PIGN: variants seen among roughly 807,000 people sequenced by gnomAD.
The protein encoded by PIGN is GPI ethanolamine phosphate transferase 1.
PIGN carries 117 observed loss-of-function variants against 125.4 expected under a neutral mutation model. That is an observed-to-expected ratio of 0.93 (90% CI 0.80 to 1.09). The LOEUF is 1.09. PIGN is among the 50% of genes least tolerant of loss of function. The pLI is 0.00. For missense variants in PIGN, 1,075 were observed against 1,094.9 expected, an observed-to-expected ratio of 0.98 and a Z score of 0.26; for synonymous variants, 392 against 377.8, an observed-to-expected ratio of 1.04 and a Z score of -0.44.
chr18:62,039,171 ATAGAG>A (rs1263278100), downstream of PIGN, among the ~76,000 whole-genome samples: 1 of 152,018 alleles, frequency 6.6e-6, no homozygotes, highest in Non-Finnish European at 1.5e-5. Context: ...AATTATGTGT[ATAGAG>A]TAAAAATTTT....
chr18:62,143,990 A>T (rs1599622241), intron 10 of PIGN, among the ~76,000 whole-genome samples: 2 of 152,236 alleles, frequency 1.3e-5, no homozygotes, highest in East Asian at 3.8e-4. Flanking sequence ...CAAAAGAGTT[A>T]TAAGATATTT....
chr18:62,092,184 T>C (rs1294183171), intron 23 of PIGN, among the ~76,000 whole-genome samples: 1 of 152,126 alleles, frequency 6.6e-6, no homozygotes, highest in Non-Finnish European at 1.5e-5. Context: ...GAAAATATCA[T>C]GAGTAAAACA....
intron 4 of PIGN, among the ~76,000 whole-genome samples, chr18:62,160,175 G>T (rs2036896716): frequency 6.6e-6 from 1 of 152,152 alleles, no homozygotes; most frequent in Non-Finnish European, 1.5e-5. Context: ...GACAGATGGA[G>T]ATGGGGGAAG....
intron 23 of PIGN, among the ~76,000 whole-genome samples, chr18:62,032,025 C>G (rs893288151): frequency 1.3e-5 from 2 of 152,192 alleles, no homozygotes; most frequent in Non-Finnish European, 1.5e-5. Context: ...GCATCACTCT[C>G]AGCCTCCAGC....
chr18:62,099,825 A>C (rs1430801600), intron 22 of PIGN, among the ~76,000 whole-genome samples: 2 of 152,186 alleles, frequency 1.3e-5, no homozygotes, highest in Non-Finnish European at 2.9e-5. Flanking sequence ...CTCAAAATGG[A>C]TTAAAGGCTT....
At position 62,105,557 on chromosome 18, in the gene PIGN, T is replaced by C. The variant is rs895869070; in HGVS notation, c.1845A>G (p.Pro615=). 4 of 1,543,530 alleles carry C rather than the reference T, an allele frequency of 2.6e-6. No homozygotes were observed. In the African/African-American group the frequency reaches 4.1e-5, roughly 16 times the overall value. ...FPLMPVVGRK[P]DISLVMGAGL... The stretch of plus-strand genomic sequence containing the variant: ...ATTATTCATACACTAGAGAGATGTC[T>C]GGCTTTCGACCTACAACCGGCATCA... Residue 615 remains proline, a synonymous_variant, in exon 20 of 31, where the codon CCA becomes CCG. Transcript: ENST00000640252.
At chr18:62,026,836 A>G (rs2030125180) in intron 23 of PIGN, among the ~76,000 whole-genome samples, 1 of 152,248 alleles carries the variant, frequency 6.6e-6, no homozygotes, top group Admixed American at 6.5e-5. Flanking sequence ...ATGTGGAGCC[A>G]TGACTACTGC....
In PIGN at chr18:62,113,183, A is replaced by G; in HGVS notation, c.1385T>C (p.Ile462Thr). The change falls in exon 16 of 31, where the codon ATC becomes ACC. Residue 462 changes from isoleucine to threonine, a missense_variant. Transcript: ENST00000640252. ...TATAAGGTTGGAATGAGACTTGATG[A>G]TCAACAAAGAGGCATAAGATATCCA... ...VGWISYASLL[I>T]IKSHSNLIKG... The G allele has an allele frequency of 6.2e-7, 1 of 1,612,640 alleles. No homozygotes were observed. Among genetic ancestry groups the G allele is most frequent in the Non-Finnish European group, 8.5e-7 (1 of 1,179,200 alleles).
Position 62,085,232 on chromosome 18 carries a change from A to T in PIGN, c.2403T>A (p.Thr801=), listed in dbSNP as rs2033642656. ...ACCTGTTAATAGAAGCTATATTTCC[A>T]GTTCCAAAAAATGCTGTCACTAAGA... ...VFFLVTAFFG[T]GNIASINSFD... is the part of the protein sequence containing the mutation. The change falls in exon 26 of 31, where the codon ACT becomes ACA. Residue 801 remains threonine, a synonymous_variant. Transcript: ENST00000640252. 6.5e-7 allele frequency: 1 copy of T among 1,543,088 alleles called. No individual in the cohort carries two copies. Among genetic ancestry groups the T allele is most frequent in the East Asian group, 2.4e-5 (1 of 40,864 alleles).
At chr18:62,173,686 A>G (rs574813960) in intron 1 of PIGN, among the ~76,000 whole-genome samples, 1 of 152,326 alleles carries the variant, frequency 6.6e-6, no homozygotes, top group Admixed American at 6.5e-5. Flanking sequence ...ATTAGAATAA[A>G]CGTATGTCAA....
chr18:62,069,549 A>T (rs1191397315), intron 30 of PIGN: 1 of 152,232 alleles, frequency 6.6e-6, no homozygotes, highest in Non-Finnish European at 1.5e-5. Context: ...TACAATATAC[A>T]TGAACCTTGA....
intron 22 of PIGN, among the ~76,000 whole-genome samples, chr18:62,096,516 CTTTTTTTTTTTTT>C (rs398033140): frequency 2.3e-5 from 2 of 85,668 alleles, no homozygotes; most frequent in East Asian, 3.2e-4. Context: ...GAATTATTTT[CTTTTTTTTTTTTT>C]TTTTTTTTTT....
chr18:62,069,281 A>C (rs182597757), intron 30 of PIGN: 1 of 152,380 alleles, frequency 6.6e-6, no homozygotes, highest in Non-Finnish European at 1.5e-5. Context: ...GCCTGTTCAT[A>C]AACTAATGAT....
intron 30 of PIGN, among the ~76,000 whole-genome samples, chr18:62,070,739 A>G (rs2032794669): frequency 6.6e-6 from 1 of 152,228 alleles, no homozygotes; most frequent in African/African-American, 2.4e-5. Flanking sequence ...AATCATTGAA[A>G]TTTAAATCAC....
At chr18:62,073,924 T>C (rs891477920) in intron 29 of PIGN, among the ~76,000 whole-genome samples, 4 of 152,170 alleles carry the variant, frequency 2.6e-5, no homozygotes, top group Non-Finnish European at 4.4e-5. Flanking sequence ...AGTCTAATAA[T>C]GTGATATATG....
chr18:62,151,121 A>G (rs2036521468), intron 7 of PIGN, among the ~76,000 whole-genome samples: 1 of 152,226 alleles, frequency 6.6e-6, no homozygotes, highest in Non-Finnish European at 1.5e-5. Flanking sequence ...CTCACTTGCA[A>G]TGGGGTTATA....
At chr18:62,051,930 T>A (rs1476187634) in intron 30 of PIGN, 7 of 152,182 alleles carry the variant, frequency 4.6e-5, no homozygotes, top group Non-Finnish European at 1.0e-4. Flanking sequence ...TCAAAGAACA[T>A]CTTTATTTCT....
Position 62,074,824 on chromosome 18 carries a change from G to GA in PIGN, c.2577-4_2577-3insT. ...TGACGAGAACAATGAGAAAAAGGCT[G>GA]GAAAAAAAAAGAAGGAAAAATTACA... On this transcript the variant is annotated splice_polypyrimidine_tract_variant and splice_region_variant and intron_variant, in intron 28 of 30. Coordinates refer to ENST00000640252, the MANE Select transcript of PIGN (RefSeq NM_176787.5). The GA allele has an allele frequency of 6.3e-7, 1 of 1,599,698 alleles. No individual in the cohort carries two copies. The highest frequency in any genetic ancestry group is 1.1e-5 in the South Asian group (1 of 89,324).
chr18:62,050,374 A>T (rs1053661895), intron 30 of PIGN, among the ~76,000 whole-genome samples: 3 of 152,058 alleles, frequency 2.0e-5, no homozygotes, highest in East Asian at 3.9e-4. Flanking sequence ...CTTTTATTTC[A>T]TTGAGCAGTG....
Sources: gnomAD v4.1 joint callset for allele counts (sites outside exome capture counted in the v4.1 genomes callset) on GRCh38, gnomAD v4.1.1 for gene constraint, MANE v1.5 for transcripts, NCBI Gene and HGNC (gene_info 2026-07-23, HGNC 2026-07-21) for gene names.